The following CEP128 variants were observed in gnomAD, a reference collection of about 807,000 sequenced individuals.
The protein encoded by CEP128 is centrosomal protein 128, also known as centrosomal protein 128kDa.
A neutral mutation model predicts 156.7 loss-of-function variants in CEP128; 132 were observed. The ratio of observed to expected loss-of-function variants is 0.84; its 90% CI spans 0.73 to 0.97. The LOEUF is 0.97. CEP128 is among the 50% of genes least tolerant of loss of function. CEP128 has a pLI of 0.00. For synonymous variants in CEP128, 469 were observed against 448.9 expected (o/e 1.04, Z -0.57); for missense variants, 1,252 against 1,281.9 (o/e 0.98, Z 0.36).
intron 19 of CEP128, among the ~76,000 whole-genome samples, chr14:80,640,842 C>T (rs1397092706): frequency 6.6e-6 from 1 of 152,162 alleles, no homozygotes; most frequent in African/African-American, 2.4e-5. Context: ...CTTAAGGGTA[C>T]TTCAAAAACA....
At chr14:80,747,533 G>T (rs988028994) in intron 18 of CEP128, among the ~76,000 whole-genome samples, 2 of 152,212 alleles carry the variant, frequency 1.3e-5, no homozygotes, top group African/African-American at 4.8e-5. Context: ...TTATGGCCAG[G>T]GGCAATGGCT....
At chr14:80,918,491 A>G (rs1277274436) in intron 2 of CEP128, among the ~76,000 whole-genome samples, 1 of 152,186 alleles carries the variant, frequency 6.6e-6, no homozygotes, top group Non-Finnish European at 1.5e-5. Context: ...AACACTATTA[A>G]CCCCTAATTC....
chr14:80,916,414 G>T lies in CEP128; in HGVS notation c.134C>A (p.Thr45Lys), dbSNP rs1481454262. ...VEVTEKVNTI[T>K]STLQDTSRNL... Reference sequence around the variant, plus strand: ...TGTTAAACTAACCTGTAAAGTACTTGTTATAGTGTTGACCTTCTCGGTAAC... The same window carrying T: ...TGTTAAACTAACCTGTAAAGTACTTTTTATAGTGTTGACCTTCTCGGTAAC... The change falls in exon 3 of 25, where the codon ACA (threonine) becomes AAA (lysine). Residue 45 changes from threonine to lysine, a missense_variant. Coordinates refer to ENST00000555265, the MANE Select transcript of CEP128 (RefSeq NM_152446.5). The T allele has an allele frequency of 6.2e-7, 1 of 1,613,412 alleles. No individual in the cohort carries two copies. The highest frequency in any genetic ancestry group is 2.2e-5 in the East Asian group (1 of 44,882).
intron 19 of CEP128, among the ~76,000 whole-genome samples, chr14:80,651,027 G>A (rs955783518): frequency 3.9e-5 from 6 of 152,064 alleles, no homozygotes; most frequent in Non-Finnish European, 5.9e-5. Context: ...GGTAGAATTC[G>A]GCTGTGAATC....
At chr14:80,541,219 C>T (rs549278333) in intron 21 of CEP128, among the ~76,000 whole-genome samples, 1 of 152,118 alleles carries the variant, frequency 6.6e-6, no homozygotes, top group Non-Finnish European at 1.5e-5. Flanking sequence ...TGGCACTAGC[C>T]ATAGTCCACT....
intron 23 of CEP128, among the ~76,000 whole-genome samples, chr14:80,506,913 G>C (rs1486023147): frequency 1.3e-5 from 2 of 151,976 alleles, no homozygotes; most frequent in South Asian, 2.1e-4. Context: ...GTTGGAGATG[G>C]GGCCTGCTGG....
intron 18 of CEP128, among the ~76,000 whole-genome samples, chr14:80,744,473 G>A (rs1035154680): frequency 2.0e-5 from 3 of 152,000 alleles, no homozygotes; most frequent in African/African-American, 4.8e-5. Context: ...TGAAATAACC[G>A]TAAGTGCTAA....
intron 19 of CEP128, among the ~76,000 whole-genome samples, chr14:80,685,739 A>G (rs1896500386): frequency 6.6e-6 from 1 of 152,210 alleles, no homozygotes; most frequent in Non-Finnish European, 1.5e-5. Flanking sequence ...CCAAAATAGC[A>G]TGACACTGGT....
chr14:80,689,317 G>GAAAT (rs921030315), intron 19 of CEP128, among the ~76,000 whole-genome samples: 10 of 124,038 alleles, frequency 8.1e-5, no homozygotes, highest in Non-Finnish European at 1.5e-4. Context: ...AAAAAAAAGA[G>GAAAT]AAATGCATCT....
chr14:80,798,509 T>TAGGG (rs1883631031), intron 13 of CEP128, among the ~76,000 whole-genome samples: 1 of 152,184 alleles, frequency 6.6e-6, no homozygotes, highest in South Asian at 2.1e-4. Flanking sequence ...AAGTTTTAAT[T>TAGGG]AGGGGCTAGT....
chr14:80,529,909 A>G lies in CEP128; in HGVS notation c.2958+900T>C, dbSNP rs538114257. 2.0e-5 allele frequency among the ~76,000 whole-genome samples: 3 copies of G among 152,372 alleles called. No individual in the cohort carries two copies. The South Asian group carries it at 6.2e-4, about 32-fold the overall frequency. On this transcript the variant is annotated intron_variant, in intron 22 of 24. Transcript: ENST00000555265. ...AAGATGCTTAATGCAAGGTAATTTT[A>G]AGACAGTGTAGACCTTGGGAACCAC...
chr14:80,830,938 C>A, intron 13 of CEP128: 1 of 487,292 alleles, frequency 2.1e-6, no homozygotes, highest in African/African-American at 2.0e-5. Context: ...CATCCAGGTT[C>A]CTGGCTTTGG....
chr14:80,685,150 G>A (rs1274592245), intron 19 of CEP128, among the ~76,000 whole-genome samples: 3 of 152,040 alleles, frequency 2.0e-5, no homozygotes, highest in Non-Finnish European at 4.4e-5. Context: ...AAAAGAGAAA[G>A]TCAAACTATG....
chr14:80,903,892 G>T (rs1434075715), intron 6 of CEP128, among the ~76,000 whole-genome samples: 2 of 152,070 alleles, frequency 1.3e-5, no homozygotes, highest in Non-Finnish European at 2.9e-5. Flanking sequence ...ACCCTACTGG[G>T]AACGTAAACT....
At chr14:80,576,622 G>GGT (rs1468003786) in intron 20 of CEP128, among the ~76,000 whole-genome samples, 4 of 110,166 alleles carry the variant, frequency 3.6e-5, no homozygotes, top group Non-Finnish European at 7.3e-5. Context: ...AAATTACTCC[G>GGT]GCGTGTGTGT....
At chr14:80,518,034 C>T (rs1049394680) in intron 23 of CEP128, among the ~76,000 whole-genome samples, 9 of 151,532 alleles carry the variant, frequency 5.9e-5, no homozygotes, top group Admixed American at 3.9e-4. Context: ...GTAACAAACA[C>T]GGACCAGAAG....
chr14:80,648,747 T>C (rs1181652130), intron 19 of CEP128, among the ~76,000 whole-genome samples: 1 of 152,054 alleles, frequency 6.6e-6, no homozygotes, highest in African/African-American at 2.4e-5. Context: ...TTTAAATTAA[T>C]TAAACACTAG....
intron 18 of CEP128, among the ~76,000 whole-genome samples, chr14:80,750,417 TTC>T (rs1450765043): frequency 6.6e-6 from 1 of 152,152 alleles, no homozygotes. Context: ...TTATCAGATC[TTC>T]TGATGCTTCC....
intron 8 of CEP128, among the ~76,000 whole-genome samples, chr14:80,885,498 G>A (rs112549414): frequency 2.0e-5 from 3 of 152,282 alleles, no homozygotes; most frequent in African/African-American, 7.2e-5. Flanking sequence ...GTCTAGAGTG[G>A]ACCTCCAGCA....
Sources: gnomAD v4.1 joint callset for allele counts (sites outside exome capture counted in the v4.1 genomes callset) on GRCh38, gnomAD v4.1.1 for gene constraint, MANE v1.5 for transcripts, NCBI Gene and HGNC (gene_info 2026-07-23, HGNC 2026-07-21) for gene names.